The following PTPRN2 variants were observed in gnomAD, a reference collection of about 807,000 sequenced individuals.
PTPRN2 encodes the protein receptor-type tyrosine-protein phosphatase N2.
Under a neutral mutation model 118.8 loss-of-function variants are expected in PTPRN2, and 74 were observed. That is an observed-to-expected ratio of 0.62 (90% CI 0.52 to 0.76). PTPRN2 has a LOEUF of 0.76. Ranked by LOEUF, PTPRN2 falls within the 30% of genes least tolerant of loss-of-function variation. PTPRN2 has a pLI of 0.00. For synonymous variants in PTPRN2, 641 were observed against 608.0 expected, an observed-to-expected ratio of 1.05 and a Z score of -0.80; for missense variants, 1,481 against 1,394.4, an observed-to-expected ratio of 1.06 and a Z score of -0.99.
intron 11 of PTPRN2, among the ~76,000 whole-genome samples, chr7:158,072,468 G>C (rs538404673): frequency 6.6e-6 from 1 of 152,162 alleles, no homozygotes; most frequent in Non-Finnish European, 1.5e-5. Context: ...TGTTGACCAG[G>C]TAAGACCTGC....
At chr7:158,423,622 C>T (rs899855636) in intron 2 of PTPRN2, among the ~76,000 whole-genome samples, 1 of 152,158 alleles carries the variant, frequency 6.6e-6, no homozygotes, top group African/African-American at 2.4e-5. Context: ...CAACCTCCAC[C>T]TCCTAGGTTC....
intron 6 of PTPRN2, among the ~76,000 whole-genome samples, chr7:158,151,961 CAGG>C (rs1821225105): frequency 6.6e-6 from 1 of 151,976 alleles, no homozygotes; most frequent in East Asian, 1.9e-4. Flanking sequence ...ATCACAAGGT[CAGG>C]AGATCAAGAC....
chr7:157,916,874 C>G (rs1667733478), intron 11 of PTPRN2, among the ~76,000 whole-genome samples: 1 of 128,658 alleles, frequency 7.8e-6, no homozygotes, highest in African/African-American at 3.1e-5. Flanking sequence ...ACACATCTCC[C>G]TCCCCAGCTG....
At chr7:157,648,937 G>C (rs1470419781) in intron 14 of PTPRN2, among the ~76,000 whole-genome samples, 1 of 146,838 alleles carries the variant, frequency 6.8e-6, no homozygotes, top group African/African-American at 2.5e-5. Flanking sequence ...AACTTGGTGG[G>C]TCAGACCCAT....
At chr7:157,983,400 T>A (rs1354972889) in intron 11 of PTPRN2, among the ~76,000 whole-genome samples, 1 of 136,298 alleles carries the variant, frequency 7.3e-6, no homozygotes, top group Admixed American at 7.5e-5. Context: ...GAGTACTGGG[T>A]TCCCCCCTAA....
intron 14 of PTPRN2, among the ~76,000 whole-genome samples, chr7:157,643,581 C>T (rs985572438): frequency 4.6e-5 from 7 of 152,192 alleles, no homozygotes; most frequent in Admixed American, 1.3e-4. Context: ...ACCCACGGCC[C>T]GGGCATCCCA....
chr7:157,846,829 T>C (rs1015246236), intron 12 of PTPRN2, among the ~76,000 whole-genome samples: 12 of 151,068 alleles, frequency 7.9e-5, no homozygotes, highest in African/African-American at 2.7e-4. Flanking sequence ...CACTCCATCA[T>C]GCGTGCCCGA....
chr7:158,575,674 C>T (rs1197229615), intron 1 of PTPRN2, among the ~76,000 whole-genome samples: 10 of 152,164 alleles, frequency 6.6e-5, no homozygotes, highest in African/African-American at 2.4e-4. Flanking sequence ...CCAGGTTTTA[C>T]ATCTATATTT....
chr7:158,258,465 C>A (rs1009034993), intron 3 of PTPRN2, among the ~76,000 whole-genome samples: 1 of 152,232 alleles, frequency 6.6e-6, no homozygotes, highest in African/African-American at 2.4e-5. Flanking sequence ...CCTGTGAGTA[C>A]GCACTCCATG....
rs1479105362 is a variant in PTPRN2, at chr7:158,530,836, G to C, written c.113-41051C>G. Among the ~76,000 whole-genome samples the C allele has an allele frequency of 2.6e-5, 4 of 152,182 alleles. No homozygotes were observed. The East Asian group carries it at 7.7e-4, about 29-fold the overall frequency. ...TGAGGGGCGAGGCAAGAGGTGTCGG[G>C]CCATGTGGGTCCCATGCAGGTTCCA... is the stretch of plus-strand genomic sequence containing the variant. On this transcript the variant is annotated intron_variant, in intron 1 of 22. Transcript: ENST00000389418.
At chr7:158,362,254 A>G (rs918887259) in intron 2 of PTPRN2, among the ~76,000 whole-genome samples, 12 of 152,230 alleles carry the variant, frequency 7.9e-5, no homozygotes, top group Non-Finnish European at 1.2e-4. Context: ...GCCCGGCCTC[A>G]GCCTGGTGTC....
At chr7:157,954,922 A>C (rs1484268466) in intron 11 of PTPRN2, among the ~76,000 whole-genome samples, 1 of 152,216 alleles carries the variant, frequency 6.6e-6, no homozygotes, top group Non-Finnish European at 1.5e-5. Context: ...TAATAAACCG[A>C]AATACTAGAC....
chr7:157,962,198 G>A (rs1031548424), intron 11 of PTPRN2, among the ~76,000 whole-genome samples: 2 of 152,246 alleles, frequency 1.3e-5, no homozygotes, highest in South Asian at 2.1e-4. Context: ...GAAGCAAAGT[G>A]CTTTTAAAAT....
At chr7:157,855,987 A>G (rs10272713) in intron 12 of PTPRN2, 25,698 of 152,206 alleles carry the variant, frequency 0.17, 2,398 homozygotes, top group African/African-American at 0.25. Context: ...AGGCTCCTGC[A>G]GCTGAAAAGC....
At chr7:157,905,302 C>A (rs978045389) in intron 11 of PTPRN2, among the ~76,000 whole-genome samples, 38 of 152,202 alleles carry the variant, frequency 2.5e-4, no homozygotes, top group Admixed American at 5.9e-4. Flanking sequence ...CCTGCTTCAG[C>A]CAGATGTCCA....
chr7:157,789,868 G>A (rs1342544105), intron 12 of PTPRN2, among the ~76,000 whole-genome samples: 3 of 150,266 alleles, frequency 2.0e-5, no homozygotes, highest in African/African-American at 7.4e-5. Context: ...TATGTGGTGT[G>A]TGTAGTATGT....
chr7:158,197,607 G>C (rs1211576980), intron 4 of PTPRN2, among the ~76,000 whole-genome samples: 1 of 152,132 alleles, frequency 6.6e-6, no homozygotes, highest in African/African-American at 2.4e-5. Context: ...ACCTGAGACT[G>C]GGTAATTTAT....
intron 3 of PTPRN2, among the ~76,000 whole-genome samples, chr7:158,280,649 C>A (rs1051782143): frequency 6.6e-6 from 1 of 152,222 alleles, no homozygotes. Flanking sequence ...ACGGGTGCGG[C>A]CCGACACTGC....
chr7:158,392,384 G>C (rs1464222413), intron 2 of PTPRN2, among the ~76,000 whole-genome samples: 2 of 152,214 alleles, frequency 1.3e-5, no homozygotes, highest in Non-Finnish European at 2.9e-5. Flanking sequence ...GCAACCCCAA[G>C]TGTTCTGTCC....
Sources: allele counts gnomAD v4.1 joint callset (sites outside exome capture counted in the v4.1 genomes callset), GRCh38; gene constraint gnomAD v4.1.1; transcripts MANE v1.5; gene names NCBI Gene and HGNC (gene_info 2026-07-23, HGNC 2026-07-21).